The following DPP6 variants were observed in gnomAD, a reference collection of about 807,000 sequenced individuals.
DPP6 encodes the protein A-type potassium channel modulatory protein DPP6.
Under a neutral mutation model 122.6 loss-of-function variants are expected in DPP6, and 69 were observed. That is an observed-to-expected ratio of 0.56 (90% CI 0.46 to 0.69). The LOEUF (loss-of-function observed/expected upper bound fraction) is 0.69. Ranked by LOEUF, DPP6 falls within the 30% of genes least tolerant of loss-of-function variation. The probability of loss-of-function intolerance (pLI) is 0.00; values close to 1 mark genes in which losing one functional copy is unlikely to be tolerated. For missense variants in DPP6, 928 were observed against 1,116.9 expected, an observed-to-expected ratio of 0.83 and a Z score of 2.41; for synonymous variants, 418 against 433.1, an observed-to-expected ratio of 0.97 and a Z score of 0.43.
intron 1 of DPP6, among the ~76,000 whole-genome samples, chr7:154,086,602 A>G (rs1398111294): frequency 6.7e-6 from 1 of 149,034 alleles, no homozygotes; most frequent in African/African-American, 2.5e-5. Flanking sequence ...GTGAGCAGAA[A>G]CAACCACAGA....
At chr7:154,683,830 T>C (rs1393846425) in intron 7 of DPP6, among the ~76,000 whole-genome samples, 1 of 152,164 alleles carries the variant, frequency 6.6e-6, no homozygotes, top group Non-Finnish European at 1.5e-5. Context: ...CTGCGAAGAC[T>C]TTGTATTTGC....
chr7:154,433,135 A>ATTTTTTTTTTT, intron 1 of DPP6, among the ~76,000 whole-genome samples: 3 of 97,846 alleles, frequency 3.1e-5, no homozygotes, highest in African/African-American at 1.5e-4. Flanking sequence ...CTAGACTGCA[A>ATTTTTTTTTTT]GTTTTTTTTT....
At chr7:154,208,952 C>T (rs1799595717) in intron 1 of DPP6, among the ~76,000 whole-genome samples, 1 of 152,130 alleles carries the variant, frequency 6.6e-6, no homozygotes, top group South Asian at 2.1e-4. Context: ...ATCAAAGAAA[C>T]ACATGCACAT....
intron 17 of DPP6, among the ~76,000 whole-genome samples, chr7:154,859,446 G>T (rs1803141407): frequency 6.6e-6 from 1 of 152,216 alleles, no homozygotes; most frequent in Admixed American, 6.5e-5. Context: ...CTAGCAAAGG[G>T]GGCTCTGGAA....
intron 1 of DPP6, among the ~76,000 whole-genome samples, chr7:154,010,806 T>G (rs1406776831): frequency 3.9e-5 from 6 of 152,208 alleles, no homozygotes; most frequent in Non-Finnish European, 8.8e-5. Context: ...AAATTGTGCT[T>G]AAGAACAGGC....
intron 5 of DPP6, among the ~76,000 whole-genome samples, chr7:154,594,425 TAAAC>T (rs1297508741): frequency 6.6e-6 from 1 of 152,170 alleles, no homozygotes; most frequent in Non-Finnish European, 1.5e-5. Flanking sequence ...GCAAGCTAAA[TAAAC>T]AATGAATGAA....
intron 13 of DPP6, among the ~76,000 whole-genome samples, chr7:154,803,363 G>A (rs1798494971): frequency 6.6e-6 from 1 of 152,308 alleles, no homozygotes; most frequent in African/African-American, 2.4e-5. Flanking sequence ...TGCAAAACTT[G>A]TAGTGTGGCA....
chr7:154,670,576 C>T (rs191317950), intron 7 of DPP6, among the ~76,000 whole-genome samples: 1 of 152,240 alleles, frequency 6.6e-6, no homozygotes, highest in East Asian at 1.9e-4. Context: ...ATTGTATTGC[C>T]ACGTGCAGAA....
chr7:154,432,056 G>A (rs1339809821), intron 1 of DPP6, among the ~76,000 whole-genome samples: 2 of 152,116 alleles, frequency 1.3e-5, no homozygotes, highest in Admixed American at 6.6e-5. Context: ...TGGGGGTAAC[G>A]GTAAGGAGGT....
chr7:154,324,802 A>G (rs2151024602), intron 1 of DPP6, among the ~76,000 whole-genome samples: 1 of 145,092 alleles, frequency 6.9e-6, no homozygotes, highest in South Asian at 2.3e-4. Context: ...GTCCTCACAA[A>G]CTCTTAGGAT....
the DPP6 span, among the ~76,000 whole-genome samples, chr7:153,784,767 G>A: frequency 6.6e-6 from 1 of 152,114 alleles, no homozygotes; most frequent in Non-Finnish European, 1.5e-5. Context: ...TCTTCATAAA[G>A]CTGAATTTTA....
intron 3 of DPP6, among the ~76,000 whole-genome samples, chr7:154,524,014 C>T (rs1005347264): frequency 6.6e-6 from 1 of 152,102 alleles, no homozygotes; most frequent in African/African-American, 2.4e-5. Context: ...CTGAATTAAT[C>T]ACCTCTTCTA....
rs1194946315 is a variant in DPP6, at chr7:154,801,400, A to C, written c.1345A>C (p.Ile449Leu). 1.3e-6 allele frequency: 2 copies of C among 1,597,454 alleles called. No homozygotes were observed. Among genetic ancestry groups the C allele is most frequent in the African/African-American group, 2.7e-5 (2 of 74,698 alleles). Residue 449 changes from isoleucine (I) to leucine (L), a missense_variant, in exon 13 of 26, where the codon ATC becomes CTC. By Grantham distance (5) the Ile-to-Leu change is conservative (BLOSUM62 2). Coordinates refer to ENST00000377770, the MANE Select transcript of DPP6 (RefSeq NM_130797.4). The part of the protein sequence containing the change: ...FSKDGRKFFF[I>L]RAIPQGGRGK... ...CAAGGATGGCCGAAAGTTTTTCTTC[A>C]TCAGAGCCATCCCCCAGGGAGGACG...
chr7:154,091,120 C>CAA (rs71850251), intron 1 of DPP6, among the ~76,000 whole-genome samples: 3,335 of 123,188 alleles, frequency 0.027, 101 homozygotes, highest in African/African-American at 0.075. Context: ...GACTCCTTCT[C>CAA]AAAAAAAAAA....
At chr7:154,130,736 G>A (rs1368931180) in intron 1 of DPP6, among the ~76,000 whole-genome samples, 2 of 151,964 alleles carry the variant, frequency 1.3e-5, no homozygotes, top group Non-Finnish European at 2.9e-5. Context: ...TGTTTCTCCA[G>A]TGCAGTCAAC....
intron 4 of DPP6, among the ~76,000 whole-genome samples, chr7:154,540,985 C>T (rs964302796): frequency 6.6e-6 from 1 of 152,160 alleles, no homozygotes; most frequent in Admixed American, 6.5e-5. Flanking sequence ...AAAAAAAGCT[C>T]GTCTCCGCAT....
rs375516548 is a variant in DPP6 at position 154,868,033 on chromosome 7, G to T, written c.1753G>T (p.Ala585Ser). ...AGAAACAAATGAACATGTCAAGAAG[G>T]CCATAAATGACCGACAGATGCCTAA... ...DLETNEHVKK[A>S]INDRQMPKVE... The change falls in exon 18 of 26, where the codon GCC (alanine) becomes TCC (serine). Residue 585 changes from alanine (A) to serine (S), a missense_variant. Ala to Ser is a moderately conservative substitution (Grantham distance 99, BLOSUM62 1). Coordinates refer to ENST00000377770, the MANE Select transcript of DPP6 (RefSeq NM_130797.4). 6.2e-7 allele frequency: 1 copy of T among 1,608,502 alleles called. No individual in the cohort carries two copies.
chr7:154,357,847 C>T (rs1811400498), intron 1 of DPP6, among the ~76,000 whole-genome samples: 1 of 151,542 alleles, frequency 6.6e-6, no homozygotes, highest in South Asian at 2.1e-4. Flanking sequence ...GAGGCTGAGG[C>T]AGGAGAATCA....
At position 154,153,999 on chromosome 7, in the gene DPP6, C is replaced by T. The variant is rs908740743; in HGVS notation, c.243+100936C>T. On this transcript the variant is annotated intron_variant, in intron 1 of 25. Transcript: ENST00000377770. ...TTCAATTAGCAGCTGATGATTTGTTCCTCGATCAGCCCAAGCATGTGAAAC... is the reference window on the plus strand; with the variant it reads ...TTCAATTAGCAGCTGATGATTTGTTTCTCGATCAGCCCAAGCATGTGAAAC... 4.6e-5 allele frequency among the ~76,000 whole-genome samples: 7 copies of T among 152,246 alleles called. No individual in the cohort carries two copies. The South Asian group carries it at 6.2e-4, about 14-fold the overall frequency.
Sources: allele counts gnomAD v4.1 joint callset (sites outside exome capture counted in the v4.1 genomes callset), GRCh38; gene constraint gnomAD v4.1.1; transcripts MANE v1.5; gene names NCBI Gene and HGNC (gene_info 2026-07-23, HGNC 2026-07-21).